Variants in ARV1 observed in about 807,000 individuals in gnomAD.
ARV1 encodes the protein protein ARV1.
A neutral mutation model predicts 31.1 loss-of-function variants in ARV1; 26 were observed. That is an observed-to-expected ratio of 0.84 (90% CI 0.61 to 1.16). The LOEUF (loss-of-function observed/expected upper bound fraction) is 1.16. Ranked by LOEUF, ARV1 falls within the 50% of genes most tolerant of loss-of-function variation. The probability of loss-of-function intolerance (pLI) is 0.00; values close to 1 mark genes in which losing one functional copy is unlikely to be tolerated. For missense variants in ARV1, 281 were observed against 324.9 expected, an observed-to-expected ratio of 0.86 and a Z score of 1.04; for synonymous variants, 117 against 123.2, an observed-to-expected ratio of 0.95 and a Z score of 0.34.
chr1:230,986,805 G>A (rs1048792057), intron 1 of ARV1, among the ~76,000 whole-genome samples: 8 of 147,202 alleles, frequency 5.4e-5, no homozygotes, highest in African/African-American at 1.2e-4. Flanking sequence ...CCAAAGTGCT[G>A]GTATCACAGA....
chr1:230,984,363 C>CGTGTGTGTGT lies in ARV1; in HGVS notation c.175-3928_175-3919dup, dbSNP rs34285543. On this transcript the variant is annotated intron_variant, in intron 1 of 5. Transcript: ENST00000310256. ...TGTTTCGTGTGTGTGTGTGTGTGTGCGTGTGTGTGTGTGTGTGTGTGTGTG... is the reference window on the plus strand; with the variant it reads ...TGTTTCGTGTGTGTGTGTGTGTGTGCGTGTGTGTGTGTGTGTGTGTGTGTGTGTGTGTGTG... Among the ~76,000 whole-genome samples the CGTGTGTGTGT allele has an allele frequency of 3.6e-3, 464 of 129,816 alleles. 6 individuals are homozygous for CGTGTGTGTGT. Among genetic ancestry groups the CGTGTGTGTGT allele is most frequent in the African/African-American group, 2.9e-3 (101 of 35,174 alleles). The allele number at this position is 129,816 out of a possible 152,430, so 85.2% of individuals were successfully genotyped here.
chr1:230,985,317 C>T (rs1370568235), intron 1 of ARV1, among the ~76,000 whole-genome samples: 1 of 152,088 alleles, frequency 6.6e-6, no homozygotes, highest in Non-Finnish European at 1.5e-5. Flanking sequence ...CCATTGTAGC[C>T]GTTGGATGTT....
At chr1:230,979,724 C>T (rs931675578) in intron 1 of ARV1, among the ~76,000 whole-genome samples, 1 of 152,132 alleles carries the variant, frequency 6.6e-6, no homozygotes, top group African/African-American at 2.4e-5. Flanking sequence ...GTGTACAAAG[C>T]ACTATGCTAG....
At chr1:230,990,329 A>G in intron 3 of ARV1, 66 bp downstream of exon 3, 1 of 1,572,922 alleles carries the variant, frequency 6.4e-7, no homozygotes, top group Non-Finnish European at 8.7e-7. Context: ...GGTTAAAACT[A>G]AGACATGTAG....
At position 230,995,926 on chromosome 1, in the gene ARV1, T is replaced by G. The variant is rs766357810; in HGVS notation, c.615T>G (p.Ser205=). Residue 205 remains serine (S), a synonymous_variant, in exon 4 of 6, where the codon TCT becomes TCG. Transcript: ENST00000310256. ...PAVIWEHDYT[S]VCLKLIKVFV... ...TCATTTGGGAACATGACTACACATCTGTGTGCCTCAAACTCATTAAAGTAT... is the reference window on the plus strand; with the variant it reads ...TCATTTGGGAACATGACTACACATCGGTGTGCCTCAAACTCATTAAAGTAT... 114 of 1,614,022 alleles carry G rather than the reference T, an allele frequency of 7.1e-5. No homozygotes were observed. Among genetic ancestry groups the G allele is most frequent in the Non-Finnish European group, 8.4e-5 (99 of 1,180,016 alleles).
intron 1 of ARV1, among the ~76,000 whole-genome samples, chr1:230,984,372 G>GCA (rs1235601323): frequency 6.5e-5 from 9 of 137,996 alleles, no homozygotes; most frequent in Admixed American, 2.8e-4. Context: ...GCGTGTGTGT[G>GCA]TGTGTGTGTG....
At chr1:230,984,580 C>T (rs754087353) in intron 1 of ARV1, among the ~76,000 whole-genome samples, 2 of 151,982 alleles carry the variant, frequency 1.3e-5, no homozygotes, top group East Asian at 1.9e-4. Flanking sequence ...ATTAAGCCGG[C>T]GGCCAAAGAG....
chr1:230,984,007 C>T (rs759376057), intron 1 of ARV1, among the ~76,000 whole-genome samples: 9 of 152,324 alleles, frequency 5.9e-5, no homozygotes, highest in Non-Finnish European at 8.8e-5. Flanking sequence ...GAGGCTAAAT[C>T]GCAGATCACT....
At chr1:230,985,919 G>A (rs1679052547) in intron 1 of ARV1, among the ~76,000 whole-genome samples, 1 of 127,522 alleles carries the variant, frequency 7.8e-6, no homozygotes, top group South Asian at 3.6e-4. Context: ...TGATTAAGCA[G>A]AATTTTTTTT....
intron 5 of ARV1, 97 bp downstream of exon 5, chr1:230,997,364 A>G: frequency 7.0e-7 from 1 of 1,420,906 alleles, no homozygotes; most frequent in Non-Finnish European, 9.7e-7. Flanking sequence ...TACATAACCC[A>G]TTCTCTAGCG....
chr1:230,986,666 CTATTTTTTTTTTTTTTTTTTTTTTTTT>C (rs1179765460), intron 1 of ARV1, among the ~76,000 whole-genome samples: 1 of 79,690 alleles, frequency 1.3e-5, no homozygotes, highest in Non-Finnish European at 2.5e-5. Flanking sequence ...AATACTTTTC[CTATTTTTTTTTTTTTTTTTTTTTTTTT>C]TTTTTTTTTT....
intron 3 of ARV1, among the ~76,000 whole-genome samples, chr1:230,992,387 G>T (rs1679253338): frequency 6.6e-6 from 1 of 152,172 alleles, no homozygotes; most frequent in Non-Finnish European, 1.5e-5. Flanking sequence ...CCCCTCAAGA[G>T]TTGGCTAAAA....
rs368094857 is a variant in ARV1 at position 230,994,937 on chromosome 1, G to T, written c.449-823G>T. The stretch of plus-strand genomic sequence containing the variant: ...AAAAAAGAGGATAGTTGTTTCTGCT[G>T]TAATATAATACATGTGTCCAGAGAA... On this transcript the variant is annotated intron_variant, in intron 3 of 5. Transcript: ENST00000310256. Among the ~76,000 whole-genome samples, 7 of 152,290 alleles carry T rather than the reference G, an allele frequency of 4.6e-5. No individual in the cohort carries two copies. The South Asian group carries it at 1.5e-3, about 32-fold the overall frequency.
At chr1:230,998,325 C>G (rs1679429021) in intron 5 of ARV1, among the ~76,000 whole-genome samples, 1 of 152,190 alleles carries the variant, frequency 6.6e-6, no homozygotes, top group South Asian at 2.1e-4. Context: ...GTTACATCCT[C>G]CTTGCAAGTA....
chr1:230,989,645 T>C (rs1188342420), intron 2 of ARV1, among the ~76,000 whole-genome samples: 3 of 152,238 alleles, frequency 2.0e-5, no homozygotes, highest in African/African-American at 7.2e-5. Context: ...AATAGTTTCT[T>C]ATTCAATATC....
chr1:230,989,254 C>A (rs1191698687), intron 2 of ARV1, among the ~76,000 whole-genome samples: 1 of 152,184 alleles, frequency 6.6e-6, no homozygotes, highest in Non-Finnish European at 1.5e-5. Flanking sequence ...TCTACTGCCT[C>A]AGCCTCCCAA....
intron 3 of ARV1, among the ~76,000 whole-genome samples, chr1:230,993,784 A>G (rs1174916312): frequency 1.3e-5 from 2 of 152,178 alleles, no homozygotes; most frequent in Non-Finnish European, 1.5e-5. Context: ...AGTCCTAGCT[A>G]CTTGAGGGGC....
intron 3 of ARV1, among the ~76,000 whole-genome samples, chr1:230,993,774 A>G (rs1679291714): frequency 6.6e-6 from 1 of 152,164 alleles, no homozygotes; most frequent in Admixed American, 6.5e-5. Context: ...ATGTGCCTGT[A>G]GTCCTAGCTA....
chr1:230,980,160 C>G (rs1187364535), intron 1 of ARV1, among the ~76,000 whole-genome samples: 1 of 152,186 alleles, frequency 6.6e-6, no homozygotes, highest in Non-Finnish European at 1.5e-5. Context: ...TCCTGTTCCT[C>G]TCTCAAGTAC....
Sources: gnomAD v4.1 joint callset for allele counts (sites outside exome capture counted in the v4.1 genomes callset) on GRCh38, gnomAD v4.1.1 for gene constraint, MANE v1.5 for transcripts, NCBI Gene and HGNC (gene_info 2026-07-23, HGNC 2026-07-21) for gene names.